Variants in MAP7 observed in about 807,000 individuals in gnomAD.
MAP7 encodes the protein microtubule associated protein 7, also known as ensconsin.
A neutral mutation model predicts 94.8 loss-of-function variants in MAP7; 52 were observed. The observed-to-expected ratio is 0.55, with a 90% CI of 0.44 to 0.69. The LOEUF (loss-of-function observed/expected upper bound fraction) is 0.69, where lower values mean the gene tolerates loss of function less well. Ranked by LOEUF, MAP7 falls within the 30% of genes least tolerant of loss-of-function variation. The pLI, the probability that MAP7 is intolerant of heterozygous loss-of-function variation, is 0.00. For synonymous variants in MAP7, 350 were observed against 357.0 expected (o/e 0.98, Z 0.22); for missense variants, 940 against 964.6 (o/e 0.97, Z 0.34).
chr6:136,379,780 T>A (rs1323206667), intron 6 of MAP7, among the ~76,000 whole-genome samples: 1 of 152,170 alleles, frequency 6.6e-6, no homozygotes, highest in Non-Finnish European at 1.5e-5. Flanking sequence ...GACCAAAAAA[T>A]TTATCTCAAA....
chr6:136,432,620 A>G (rs1307615541), intron 1 of MAP7, among the ~76,000 whole-genome samples: 1 of 152,190 alleles, frequency 6.6e-6, no homozygotes, highest in East Asian at 1.9e-4. Context: ...TCAAATACTT[A>G]GTATTCTAAG....
At chr6:136,411,011 G>A (rs1321600382) in intron 3 of MAP7, among the ~76,000 whole-genome samples, 1 of 152,156 alleles carries the variant, frequency 6.6e-6, no homozygotes, top group Non-Finnish European at 1.5e-5. Context: ...GTAAAGGAGG[G>A]GTTGGCACCT....
chr6:136,514,631 T>C (rs1824285107), intron 1 of MAP7, among the ~76,000 whole-genome samples: 1 of 150,962 alleles, frequency 6.6e-6, no homozygotes, highest in East Asian at 1.9e-4. Flanking sequence ...ACCTCTTTTG[T>C]CCATCTCCAT....
At chr6:136,548,329 A>G (rs1829889725) in intron 1 of MAP7, among the ~76,000 whole-genome samples, 1 of 152,148 alleles carries the variant, frequency 6.6e-6, no homozygotes, top group African/African-American at 2.4e-5. Flanking sequence ...TAGATTCAAA[A>G]AAATACATTT....
chr6:136,394,966 A>ATATATATATATATATG (rs1781988839), intron 3 of MAP7, among the ~76,000 whole-genome samples: 2 of 126,530 alleles, frequency 1.6e-5, no homozygotes, highest in Non-Finnish European at 3.3e-5. Context: ...ATATATATAT[A>ATATATATATATATATG]TATATCACAT....
rs1397711358 is a variant in MAP7 at position 136,400,289 on chromosome 6, G to A, written c.245-10772C>T. Among the ~76,000 whole-genome samples, 8 of 151,870 alleles carry A rather than the reference G, an allele frequency of 5.3e-5. No individual in the cohort carries two copies. The East Asian group carries it at 5.8e-4, about 11-fold the overall frequency. ...AAATTAGCCAGGCGTGGTGGTGGGC[G>A]CCTGTAGTCCCAACTACTAGGGAGG... On this transcript the variant is annotated intron_variant, in intron 3 of 17. Transcript: ENST00000354570.
At position 136,496,687 on chromosome 6, in the gene MAP7, T is replaced by G. The variant is rs9402816; in HGVS notation, c.67+53655A>C. Among the ~76,000 whole-genome samples, 92 of 150,158 alleles carry G rather than the reference T, an allele frequency of 6.1e-4. 1 individual carries two copies. In the East Asian group the frequency reaches 0.015, roughly 25 times the overall value. On this transcript the variant is annotated intron_variant, in intron 1 of 17. Coordinates refer to ENST00000354570, the MANE Select transcript of MAP7 (RefSeq NM_003980.6). ...AGGTGCAGTAGCTCACACCTGTAAT[T>G]CCAGCACTTTGGGAGGCTGAGGAGG... is the stretch of plus-strand genomic sequence containing the variant.
chr6:136,499,437 A>G (rs1819218025), intron 1 of MAP7, among the ~76,000 whole-genome samples: 1 of 152,128 alleles, frequency 6.6e-6, no homozygotes, highest in African/African-American at 2.4e-5. Flanking sequence ...GGGTTTGAGA[A>G]AAACAAGACT....
At chr6:136,474,327 T>G (rs1810114697) in intron 1 of MAP7, among the ~76,000 whole-genome samples, 1 of 152,158 alleles carries the variant, frequency 6.6e-6, no homozygotes. Flanking sequence ...GGTTGCTGTG[T>G]AGAGACTGAC....
intron 10 of MAP7, among the ~76,000 whole-genome samples, chr6:136,363,243 C>T (rs1793342175): frequency 6.6e-6 from 1 of 152,198 alleles, no homozygotes; most frequent in African/African-American, 2.4e-5. Context: ...GGAGCTGGTG[C>T]TCATTCTGCT....
intron 1 of MAP7, among the ~76,000 whole-genome samples, chr6:136,513,025 G>GTTTT (rs1823730126): frequency 7.7e-6 from 1 of 129,784 alleles, no homozygotes; most frequent in African/African-American, 3.9e-5. Context: ...TTTTGTTTTT[G>GTTTT]GTAGAGGCAG....
chr6:136,395,220 A>C (rs1782090832), intron 3 of MAP7, among the ~76,000 whole-genome samples: 1 of 151,312 alleles, frequency 6.6e-6, no homozygotes, highest in Non-Finnish European at 1.5e-5. Context: ...CTGCGTCTTC[A>C]TCAGTACCTG....
chr6:136,473,182 C>T (rs539051862), intron 1 of MAP7, among the ~76,000 whole-genome samples: 6 of 152,330 alleles, frequency 3.9e-5, no homozygotes, highest in African/African-American at 1.4e-4. Context: ...CTCAATTCTC[C>T]CAAACAGAAG....
chr6:136,417,870 A>G (rs966450055), intron 2 of MAP7, among the ~76,000 whole-genome samples: 1 of 152,230 alleles, frequency 6.6e-6, no homozygotes, highest in Non-Finnish European at 1.5e-5. Flanking sequence ...ATAAAGTTTC[A>G]GTGGCTCTTT....
At chr6:136,512,662 A>T (rs986328469) in intron 1 of MAP7, among the ~76,000 whole-genome samples, 14 of 152,204 alleles carry the variant, frequency 9.2e-5, no homozygotes, top group Non-Finnish European at 1.5e-4. Flanking sequence ...GTCCCAAAAC[A>T]GTGTACATAA....
chr6:136,537,906 C>A (rs1309625814), intron 1 of MAP7, among the ~76,000 whole-genome samples: 2 of 152,164 alleles, frequency 1.3e-5, no homozygotes. Flanking sequence ...CTCAGCATCC[C>A]GAGTAGCTGG....
At chr6:136,375,847 AAAAAGC>A (rs1775965742) in intron 7 of MAP7, among the ~76,000 whole-genome samples, 1 of 152,234 alleles carries the variant, frequency 6.6e-6, no homozygotes. Flanking sequence ...TTTGCAGATA[AAAAAGC>A]ACCTTGGTTG....
Position 136,483,167 on chromosome 6 carries a change from T to C in MAP7, c.68-61368A>G, listed in dbSNP as rs149889265. ...AAAAAAGAAAAGAAAATGTGGTACA[T>C]ATACACCATGGAATACTATGCAGCC... On this transcript the variant is annotated intron_variant, in intron 1 of 17. Coordinates refer to ENST00000354570, the MANE Select transcript of MAP7 (RefSeq NM_003980.6). 4.9e-3 allele frequency among the ~76,000 whole-genome samples: 727 copies of C among 147,136 alleles called. 5 individuals are homozygous for C. Among genetic ancestry groups the C allele is most frequent in the East Asian group, 0.04 (198 of 4,964 alleles).
chr6:136,418,205 T>C (rs1790131490), intron 2 of MAP7, among the ~76,000 whole-genome samples: 1 of 151,906 alleles, frequency 6.6e-6, no homozygotes, highest in Non-Finnish European at 1.5e-5. Context: ...TTCTGTAATG[T>C]GGTTTGTTTG....
Sources: allele counts gnomAD v4.1 joint callset (sites outside exome capture counted in the v4.1 genomes callset), GRCh38; gene constraint gnomAD v4.1.1; transcripts MANE v1.5; gene names NCBI Gene and HGNC (gene_info 2026-07-23, HGNC 2026-07-21).